GPRASP3: variants seen among roughly 807,000 people sequenced by gnomAD.
GPRASP3 encodes G protein-coupled receptor associated sorting protein 3.
the GPRASP3 span, chrX:102,751,225 T>C: frequency 8.1e-6 from 1 of 124,202 alleles, no homozygotes; most frequent in Non-Finnish European, 1.9e-5. Flanking sequence ...TTAATTTTGC[T>C]ACTACATTCA....
the GPRASP3 span, among the ~76,000 whole-genome samples, chrX:102,732,103 G>A: frequency 9.0e-6 from 1 of 111,699 alleles, no homozygotes; most frequent in Non-Finnish European, 1.9e-5. Flanking sequence ...CCTAGTGGGT[G>A]GGGGGAGAGC....
At chrX:102,720,841 TG>T in the GPRASP3 span, 2 of 112,259 alleles carry the variant, frequency 1.8e-5, no homozygotes, top group Admixed American at 1.9e-4. Context: ...TGTCTTTCCA[TG>T]CTGCATCAGC....
At chrX:102,736,073 G>A in the GPRASP3 span, among the ~76,000 whole-genome samples, 1 of 111,771 alleles carries the variant, frequency 8.9e-6, no homozygotes, top group Non-Finnish European at 1.9e-5. Flanking sequence ...TCCACATGTC[G>A]TTAGGCCTTA....
chrX:102,729,334 T>TA, the GPRASP3 span, among the ~76,000 whole-genome samples: 1 of 111,967 alleles, frequency 8.9e-6, no homozygotes, highest in Admixed American at 9.4e-5. Flanking sequence ...TAGTCTCATG[T>TA]AAGGGAGAGA....
the GPRASP3 span, chrX:102,749,093 T>G: frequency 1.1e-4 from 136 of 1,210,332 alleles, 1 homozygote; most frequent in Non-Finnish European, 1.4e-4. Flanking sequence ...GCTACTGGTG[T>G]TGTTAGGCCT....
chrX:102,739,163 T>A, the GPRASP3 span, among the ~76,000 whole-genome samples: 6 of 111,821 alleles, frequency 5.4e-5, no homozygotes, highest in East Asian at 1.7e-3. Context: ...TTAGCTAGGA[T>A]TTTGAGGGCA....
the GPRASP3 span, among the ~76,000 whole-genome samples, chrX:102,744,695 T>C: frequency 1.8e-5 from 2 of 112,110 alleles, no homozygotes; most frequent in Admixed American, 1.9e-4. Flanking sequence ...CCTCTCTTGC[T>C]CCTTCCAACA....
At chrX:102,729,738 C>T in the GPRASP3 span, among the ~76,000 whole-genome samples, 433 of 111,630 alleles carry the variant, frequency 3.9e-3, 2 homozygotes, top group African/African-American at 0.013. Context: ...GGCGTGGTGG[C>T]GGGTGCCTGT....
the GPRASP3 span, among the ~76,000 whole-genome samples, chrX:102,731,441 G>A: frequency 1.8e-5 from 2 of 111,093 alleles, no homozygotes; most frequent in African/African-American, 6.6e-5. Context: ...GACCAACATG[G>A]TGAAACCCTG....
the GPRASP3 span, among the ~76,000 whole-genome samples, chrX:102,742,430 C>T: frequency 4.5e-5 from 5 of 112,146 alleles, no homozygotes; most frequent in African/African-American, 9.7e-5. Flanking sequence ...ACACAGCCTC[C>T]GGCTGCAAGA....
the GPRASP3 span, chrX:102,750,706 A>G: frequency 2.3e-6 from 2 of 879,772 alleles, no homozygotes; most frequent in Non-Finnish European, 3.1e-6. Context: ...TACAGTGTAC[A>G]CATTATACAC....
At chrX:102,740,700 A>G in the GPRASP3 span, among the ~76,000 whole-genome samples, 6 of 111,109 alleles carry the variant, frequency 5.4e-5, no homozygotes, top group Non-Finnish European at 9.4e-5. Flanking sequence ...AATTCAGGAT[A>G]CCACAGAGAA....
chrX:102,745,653 T>G, the GPRASP3 span, among the ~76,000 whole-genome samples: 53 of 111,086 alleles, frequency 4.8e-4, no homozygotes, highest in African/African-American at 1.7e-3. Context: ...GTTGGGGAGT[T>G]GGGGCGGGGG....
the GPRASP3 span, chrX:102,749,668 G>A: frequency 2.5e-6 from 3 of 1,211,190 alleles, no homozygotes; most frequent in Non-Finnish European, 3.4e-6. Context: ...CAATGCCCCT[G>A]CTGTAACTCC....
At chrX:102,720,746 T>C in the GPRASP3 span, 3 of 112,013 alleles carry the variant, frequency 2.7e-5, no homozygotes, top group Non-Finnish European at 5.6e-5. Flanking sequence ...TTTTCTTGCA[T>C]CCAGAAAAGA....
the GPRASP3 span, among the ~76,000 whole-genome samples, chrX:102,735,403 C>CT: frequency 0.012 from 1,139 of 94,423 alleles, 16 homozygotes; most frequent in African/African-American, 0.023. Flanking sequence ...CACAGAATCT[C>CT]TTTTTTTTTT....
chrX:102,750,242 C>T, the GPRASP3 span: 1 of 1,199,875 alleles, frequency 8.3e-7, no homozygotes, highest in Middle Eastern at 2.4e-4. Flanking sequence ...ATGTCATTTC[C>T]TTTGAACTCA....
At chrX:102,749,113 A>C in the GPRASP3 span, 15 of 1,210,620 alleles carry the variant, frequency 1.2e-5, no homozygotes, top group South Asian at 2.6e-4. Flanking sequence ...TGTAGCCAAG[A>C]CCAGGGCCAA....
At chrX:102,745,826 T>G in the GPRASP3 span, among the ~76,000 whole-genome samples, 1 of 109,803 alleles carries the variant, frequency 9.1e-6, no homozygotes, top group Non-Finnish European at 1.9e-5. Flanking sequence ...CACGTTAGGG[T>G]CCGCGGGGGT....
Sources: gnomAD v4.1 joint callset for allele counts (sites outside exome capture counted in the v4.1 genomes callset) on GRCh38, gnomAD v4.1.1 for gene constraint, MANE v1.5 for transcripts, NCBI Gene and HGNC (gene_info 2026-07-23, HGNC 2026-07-21) for gene names.